Variants in GNAQ observed in about 807,000 individuals in gnomAD.
GNAQ encodes the protein guanine nucleotide-binding protein G(q) subunit alpha.
Under a neutral mutation model 43.9 loss-of-function variants are expected in GNAQ, and 8 were observed. That is an observed-to-expected ratio of 0.18 (90% confidence interval 0.11 to 0.33). The LOEUF (loss-of-function observed/expected upper bound fraction) is 0.33. Among genes scored for constraint, GNAQ ranks in the 10% least tolerant of loss-of-function variants. The pLI is 1.00. For missense variants in GNAQ, 158 were observed against 450.8 expected (o/e 0.35, Z 5.88); for synonymous variants, 155 against 170.7 (o/e 0.91, Z 0.71).
At chr9:77,728,210 G>A (rs1223072099) in intron 6 of GNAQ, among the ~76,000 whole-genome samples, 1 of 152,088 alleles carries the variant, frequency 6.6e-6, no homozygotes, top group Non-Finnish European at 1.5e-5. Context: ...GACCAGGATG[G>A]TCTCGATCGC....
At chr9:77,735,442 G>A (rs1446543887) in intron 5 of GNAQ, among the ~76,000 whole-genome samples, 1 of 152,006 alleles carries the variant, frequency 6.6e-6, no homozygotes, top group Non-Finnish European at 1.5e-5. Context: ...TATCTCATTT[G>A]TCTGTGTCTA....
Position 77,774,030 on chromosome 9 carries a change from C to A in GNAQ, c.735+20433G>T, listed in dbSNP as rs140162221. ...TTTAAAAAGGAAGACTCAGATGGTA[C>A]TCAAGAAAGACCTCAGCTGGTTAAA... On this transcript the variant is annotated intron_variant, in intron 5 of 6. Coordinates refer to ENST00000286548, the MANE Select transcript of GNAQ (RefSeq NM_002072.5). 1.6e-3 allele frequency among the ~76,000 whole-genome samples: 242 copies of A among 151,860 alleles called. 2 individuals are homozygous for A. The highest frequency in any genetic ancestry group is 7.9e-3 in the South Asian group (38 of 4,812).
At chr9:77,930,145 G>T (rs541591785) in intron 1 of GNAQ, among the ~76,000 whole-genome samples, 9 of 152,174 alleles carry the variant, frequency 5.9e-5, no homozygotes, top group African/African-American at 1.7e-4. Flanking sequence ...CTTTGTGCAG[G>T]ATCTGGCAGT....
chr9:77,915,439 T>C (rs889958196), intron 2 of GNAQ, among the ~76,000 whole-genome samples: 1 of 152,256 alleles, frequency 6.6e-6, no homozygotes, highest in African/African-American at 2.4e-5. Flanking sequence ...CATTGTTTTT[T>C]TGTTTTATTC....
At chr9:77,879,410 C>CCCG (rs1828176954) in intron 2 of GNAQ, among the ~76,000 whole-genome samples, 1 of 152,060 alleles carries the variant, frequency 6.6e-6, no homozygotes, top group Non-Finnish European at 1.5e-5. Flanking sequence ...ATTAGAGGCA[C>CCCG]CCACCACCAC....
chr9:77,830,342 A>G lies in GNAQ; in HGVS notation c.322-14572T>C, dbSNP rs561448391. On this transcript the variant is annotated intron_variant, in intron 2 of 6. Coordinates refer to ENST00000286548, the MANE Select transcript of GNAQ (RefSeq NM_002072.5). Reference sequence around the variant, plus strand: ...ATGGGGCACACATCATCCATGGGGCACAGAGAGAAAATATCAAAACCTATG... The same window carrying G: ...ATGGGGCACACATCATCCATGGGGCGCAGAGAGAAAATATCAAAACCTATG... 4.6e-5 allele frequency among the ~76,000 whole-genome samples: 7 copies of G among 152,282 alleles called. No homozygotes were observed. The South Asian group carries it at 1.0e-3, about 23-fold the overall frequency.
intron 5 of GNAQ, among the ~76,000 whole-genome samples, chr9:77,763,065 T>C (rs1826076543): frequency 6.8e-6 from 1 of 147,696 alleles, no homozygotes; most frequent in Admixed American, 6.9e-5. Context: ...GCCAAATCCC[T>C]CTCTGTGAGA....
intron 5 of GNAQ, among the ~76,000 whole-genome samples, chr9:77,782,542 G>C (rs1826410801): frequency 6.6e-6 from 1 of 152,074 alleles, no homozygotes; most frequent in Admixed American, 6.6e-5. Flanking sequence ...ATTCATCACT[G>C]GTGGGAATGA....
chr9:77,949,417 T>G (rs949359688), intron 1 of GNAQ, among the ~76,000 whole-genome samples: 5 of 152,132 alleles, frequency 3.3e-5, no homozygotes, highest in Non-Finnish European at 5.9e-5. Context: ...CTGAATCTCT[T>G]GGGAGAAACA....
chr9:77,721,886 T>TAAG (rs949484893), intron 6 of GNAQ, among the ~76,000 whole-genome samples: 2 of 152,170 alleles, frequency 1.3e-5, no homozygotes, highest in African/African-American at 4.8e-5. Flanking sequence ...AGCTATATAA[T>TAAG]AAGTGTGCAC....
intron 5 of GNAQ, among the ~76,000 whole-genome samples, chr9:77,770,874 C>T (rs554706561): frequency 6.6e-6 from 1 of 152,194 alleles, no homozygotes; most frequent in East Asian, 1.9e-4. Flanking sequence ...GCAAAGATAA[C>T]ACTGCTTAAG....
chr9:78,031,061 G>A (rs758313753), intron 1 of GNAQ, 39 bp downstream of exon 1: 62 of 1,379,192 alleles, frequency 4.5e-5, no homozygotes, highest in Non-Finnish European at 5.5e-5. Context: ...TGGTGGGCTG[G>A]GGGCGCAGAG....
intron 5 of GNAQ, among the ~76,000 whole-genome samples, chr9:77,742,563 G>A (rs533626548): frequency 6.6e-6 from 1 of 151,488 alleles, no homozygotes; most frequent in African/African-American, 2.4e-5. Flanking sequence ...ACTAAGTTAC[G>A]CAGTCAGAAG....
chr9:77,836,435 T>C (rs1367276602), intron 2 of GNAQ, among the ~76,000 whole-genome samples: 1 of 152,234 alleles, frequency 6.6e-6, no homozygotes, highest in Non-Finnish European at 1.5e-5. Context: ...CACCACTGTT[T>C]AGGTAATCTT....
At chr9:77,939,311 G>C (rs1417943382) in intron 1 of GNAQ, among the ~76,000 whole-genome samples, 3 of 152,316 alleles carry the variant, frequency 2.0e-5, no homozygotes, top group Middle Eastern at 3.4e-3. Flanking sequence ...GCATGCAACG[G>C]CTACGCATGA....
intron 1 of GNAQ, among the ~76,000 whole-genome samples, chr9:77,979,826 T>C (rs1004814482): frequency 2.0e-5 from 3 of 152,238 alleles, no homozygotes; most frequent in Non-Finnish European, 4.4e-5. Flanking sequence ...GTAGGTTTGC[T>C]ACATGATTTG....
intron 1 of GNAQ, among the ~76,000 whole-genome samples, chr9:77,940,806 A>G (rs1295842941): frequency 6.6e-6 from 1 of 151,938 alleles, no homozygotes; most frequent in African/African-American, 2.4e-5. Context: ...TCTCTACTAA[A>G]AATACAAAAA....
intron 1 of GNAQ, among the ~76,000 whole-genome samples, chr9:78,009,005 T>C (rs988124647): frequency 6.6e-6 from 1 of 152,228 alleles, no homozygotes; most frequent in Non-Finnish European, 1.5e-5. Context: ...AAATAAAGTA[T>C]ACAGATTTCT....
rs1313513141 is a variant in GNAQ, at chr9:78,008,619, CATTTT to C, written c.136+22476_136+22480del. On this transcript the variant is annotated intron_variant, in intron 1 of 6. Coordinates refer to ENST00000286548, the MANE Select transcript of GNAQ (RefSeq NM_002072.5). ...CATTTCATTTCATTTCATTTCATTT[CATTTT>C]ATTTTATTTTTTGAGACGGAGTCTC... 9.3e-3 allele frequency among the ~76,000 whole-genome samples: 955 copies of C among 102,998 alleles called. 10 individuals are homozygous for C. The highest frequency in any genetic ancestry group is 0.037 in the African/African-American group (805 of 21,904). 67.6% of individuals were successfully genotyped at this position (102,998 alleles called of 152,430 possible).
Sources: allele counts gnomAD v4.1 joint callset (sites outside exome capture counted in the v4.1 genomes callset), GRCh38; gene constraint gnomAD v4.1.1; transcripts MANE v1.5; gene names NCBI Gene and HGNC (gene_info 2026-07-23, HGNC 2026-07-21).